MAPT: variants seen among roughly 807,000 people sequenced by gnomAD.
MAPT encodes microtubule-associated protein tau.
Under a neutral mutation model 67.9 loss-of-function variants are expected in MAPT, and 34 were observed. That is an observed-to-expected ratio of 0.50 (90% CI 0.38 to 0.67). MAPT has a LOEUF of 0.67. Among genes scored for constraint, MAPT ranks in the 30% least tolerant of loss-of-function variants. The pLI is 0.00. For synonymous variants in MAPT, 456 were observed against 464.5 expected, an observed-to-expected ratio of 0.98 and a Z score of 0.23; for missense variants, 881 against 1,115.2, an observed-to-expected ratio of 0.79 and a Z score of 2.99.
At position 46,019,832 on chromosome 17, in the gene MAPT, T is replaced by C. The variant is rs529168213; in HGVS notation, c.2286+1102T>C. Among the ~76,000 whole-genome samples the C allele has an allele frequency of 7.9e-5, 12 of 151,188 alleles. No individual in the cohort carries two copies. In the East Asian group the frequency reaches 1.2e-3, roughly 15 times the overall value. On this transcript the variant is annotated intron_variant, in intron 12 of 12. Coordinates refer to ENST00000262410, the MANE Select transcript of MAPT (RefSeq NM_001377265.1). ...TTCAAGACCAGCCTGGCCAACATGG[T>C]AAAACCCCATCTCTACTAAAAATAC... is the stretch of plus-strand genomic sequence containing the variant.
rs569196511 is a variant in MAPT at position 45,965,154 on chromosome 17, G to A, written c.133+2684G>A. Among the ~76,000 whole-genome samples, 36 of 152,154 alleles carry A rather than the reference G, an allele frequency of 2.4e-4. 1 individual carries two copies. The South Asian group carries it at 4.6e-3, about 19-fold the overall frequency. On this transcript the variant is annotated intron_variant, in intron 2 of 12. Coordinates refer to ENST00000262410, the MANE Select transcript of MAPT (RefSeq NM_001377265.1). Reference sequence around the variant, plus strand: ...ATGATTAATAGTGCTGCTTTCAGCCGGGCGCGGTGGCTCACACCTGTAATC... The same window carrying A: ...ATGATTAATAGTGCTGCTTTCAGCCAGGCGCGGTGGCTCACACCTGTAATC...
intron 9 of MAPT, among the ~76,000 whole-genome samples, chr17:46,004,353 A>C (rs2075259700): frequency 6.6e-6 from 1 of 152,158 alleles, no homozygotes; most frequent in Non-Finnish European, 1.5e-5. Context: ...TGATTAAACC[A>C]AGTGGACACA....
intron 2 of MAPT, among the ~76,000 whole-genome samples, chr17:45,966,707 G>A (rs1022420086): frequency 2.0e-5 from 3 of 152,192 alleles, no homozygotes; most frequent in East Asian, 3.8e-4. Context: ...TAGTGTTTGA[G>A]TTGCCTAAAA....
chr17:45,911,915 G>A (rs2064827471), intron 1 of MAPT, among the ~76,000 whole-genome samples: 1 of 152,214 alleles, frequency 6.6e-6, no homozygotes, highest in African/African-American at 2.4e-5. Context: ...AGTTTTGAAT[G>A]CTAAAAGTGG....
In MAPT at chr17:45,930,173, A is replaced by G. The variant is rs115055934; in HGVS notation, c.-17-32148A>G. ...CCAGCACTTTGGGAGGCCAAGACAG[A>G]TTGATCACTCGATGCCAGGAGTTCA... is the stretch of plus-strand genomic sequence containing the variant. On this transcript the variant is annotated intron_variant, in intron 1 of 12. Coordinates refer to ENST00000262410, the MANE Select transcript of MAPT (RefSeq NM_001377265.1). Among the ~76,000 whole-genome samples, 1,109 of 152,234 alleles carry G rather than the reference A, an allele frequency of 7.3e-3. 16 individuals carry two copies. The highest frequency in any genetic ancestry group is 0.026 in the African/African-American group (1,062 of 41,544).
chr17:46,017,573 C>T (rs1280750965), intron 11 of MAPT, among the ~76,000 whole-genome samples: 1 of 149,404 alleles, frequency 6.7e-6, no homozygotes, highest in Non-Finnish European at 1.5e-5. Context: ...CCTGTCTCAG[C>T]TTCCCAAGTA....
At position 45,983,950 on chromosome 17, in the gene MAPT, T is replaced by G. The variant is rs751925822; in HGVS notation, c.1351+20T>G. The G allele has an allele frequency of 1.3e-5, 20 of 1,529,056 alleles. No individual in the cohort carries two copies. In the Admixed American group the frequency reaches 4.4e-4, roughly 34 times the overall value. 94.7% of individuals were successfully genotyped at this position (1,529,056 alleles called of 1,614,324 possible). On this transcript the variant is annotated intron_variant, in intron 5 of 12. Coordinates refer to ENST00000262410, the MANE Select transcript of MAPT (RefSeq NM_001377265.1). ...TCAAAGGTCTGTGTCTTGAGCTTCT[T>G]CGCTCCTTCCCTGGGGACCTCCCAG...
rs141636376 is a variant in MAPT at position 45,983,534 on chromosome 17, C to T, written c.955C>T (p.Arg319Trp). The change falls in exon 5 of 13, where the codon CGG becomes TGG. Residue 319 changes from arginine to tryptophan, a missense_variant. Arg to Trp is a moderately radical substitution (Grantham distance 101). Around this residue, in one of 6 missense-constraint regions of MAPT, gnomAD observed 687 missense variants for 766.1 expected, o/e 0.90. Transcript: ENST00000262410. The stretch of plus-strand genomic sequence containing the variant: ...CAAGGCCTCCCCAGCCCAAGATGGG[C>T]GGCCTCCCCAGACAGCCGCCAGAGA... ...PSKASPAQDG[R>W]PPQTAAREAT... The T allele has an allele frequency of 4.3e-6, 7 of 1,612,768 alleles. No homozygotes were observed. Among genetic ancestry groups the T allele is most frequent in the East Asian group, 2.2e-5 (1 of 44,882 alleles).
chr17:45,911,918 A>G (rs1025565285), intron 1 of MAPT, among the ~76,000 whole-genome samples: 3 of 152,228 alleles, frequency 2.0e-5, no homozygotes, highest in Admixed American at 2.0e-4. Context: ...TTTGAATGCT[A>G]AAAGTGGGAA....
intron 1 of MAPT, among the ~76,000 whole-genome samples, chr17:45,907,207 C>T (rs2064375793): frequency 6.6e-6 from 1 of 152,180 alleles, no homozygotes; most frequent in Non-Finnish European, 1.5e-5. Context: ...TTCATAGATG[C>T]CGTGCTCTTT....
At chr17:45,935,575 T>G (rs2067248617) in intron 1 of MAPT, among the ~76,000 whole-genome samples, 1 of 152,178 alleles carries the variant, frequency 6.6e-6, no homozygotes, top group Non-Finnish European at 1.5e-5. Context: ...TATTTCCAGC[T>G]GAGAGCCAGT....
chr17:45,974,602 C>A (rs2072122458), intron 3 of MAPT: 1 of 727,396 alleles, frequency 1.4e-6, no homozygotes, highest in Non-Finnish European at 2.3e-6. Context: ...GATTCTGGCT[C>A]CTGGGAATCT....
At chr17:45,903,945 A>T (rs771928716) in intron 1 of MAPT, among the ~76,000 whole-genome samples, 3,071 of 16,880 alleles carry the variant, frequency 0.18, 476 homozygotes, top group African/African-American at 0.28. Context: ...TTTATATATA[A>T]TATATATTAT....
intron 1 of MAPT, among the ~76,000 whole-genome samples, chr17:45,943,799 C>T (rs1363837821): frequency 2.6e-5 from 4 of 152,128 alleles, no homozygotes; most frequent in East Asian, 1.9e-4. Flanking sequence ...TGGGTTCCAG[C>T]GCTGGAAGGA....
chr17:45,909,869 CAAA>C (rs59131080), intron 1 of MAPT, among the ~76,000 whole-genome samples: 2 of 59,856 alleles, frequency 3.3e-5, no homozygotes, highest in Non-Finnish European at 6.1e-5. Context: ...GACTCTGTCT[CAAA>C]AAAAAAAAAA....
intron 2 of MAPT, among the ~76,000 whole-genome samples, chr17:45,964,201 T>TTTTG (rs1568244045): frequency 0.018 from 2,710 of 152,196 alleles, 89 homozygotes; most frequent in African/African-American, 0.062. Context: ...GTTTTGTTTT[T>TTTTG]TTTTGTTTTG....
chr17:45,904,239 TAA>T (rs2064064638), intron 1 of MAPT, among the ~76,000 whole-genome samples: 1 of 48,764 alleles, frequency 2.1e-5, no homozygotes, highest in Non-Finnish European at 3.8e-5. Flanking sequence ...TTATATATTA[TAA>T]TATATATTAT....
chr17:45,935,023 A>G (rs2067195976), intron 1 of MAPT, among the ~76,000 whole-genome samples: 1 of 152,120 alleles, frequency 6.6e-6, no homozygotes, highest in South Asian at 2.1e-4. Flanking sequence ...AAAGATATCC[A>G]AGCCACTGGG....
chr17:45,989,544 G>A (rs1192807186), intron 6 of MAPT, among the ~76,000 whole-genome samples: 3 of 152,148 alleles, frequency 2.0e-5, no homozygotes, highest in African/African-American at 4.8e-5. Context: ...CCAGCTACTC[G>A]GGAGGCTGAG....
Sources: allele counts gnomAD v4.1 joint callset (sites outside exome capture counted in the v4.1 genomes callset), GRCh38; gene constraint gnomAD v4.1.1; regional missense constraint gnomAD v4.1.1; transcripts MANE v1.5; gene names NCBI Gene and HGNC (gene_info 2026-07-23, HGNC 2026-07-21).